Variants in UGT2B4 observed in about 807,000 individuals in gnomAD.
UGT2B4 encodes UDP glucuronosyltransferase family 2 member B4.
In UGT2B4, 49 loss-of-function variants were observed where a neutral mutation model predicts 49.8. The observed-to-expected ratio is 0.98, with a 90% CI of 0.78 to 1.25. The LOEUF is 1.25. UGT2B4 is among the 50% of genes most tolerant of loss of function. UGT2B4 has a pLI of 0.00. For synonymous variants in UGT2B4, 246 were observed against 217.7 expected (o/e 1.13, Z -1.14); for missense variants, 729 against 627.7 (o/e 1.16, Z -1.73).
intron 1 of UGT2B4, chr4:69,517,786 T>C (rs564193542): frequency 2.4e-5 from 4 of 169,884 alleles, no homozygotes; most frequent in Middle Eastern, 9.2e-4. Flanking sequence ...CAGAAAGGTC[T>C]TTATGTCCGT....
chr4:69,517,871 C>A, intron 1 of UGT2B4: 1 of 171,170 alleles, frequency 5.8e-6, no homozygotes, highest in South Asian at 1.8e-4. Flanking sequence ...ATATTGCCAC[C>A]TACAGAAGCT....
chr4:69,499,840 T>C (rs1246865702), upstream of UGT2B4, among the ~76,000 whole-genome samples: 2 of 152,194 alleles, frequency 1.3e-5, no homozygotes, highest in African/African-American at 4.8e-5. Context: ...ATTTTTTAAT[T>C]GGGGCATTTA....
At chr4:69,500,602 C>T (rs187010846), upstream of UGT2B4, among the ~76,000 whole-genome samples, 1 of 47,336 alleles carries the variant, frequency 2.1e-5, no homozygotes, top group Non-Finnish European at 4.2e-5. Flanking sequence ...AGCAAGAAAG[C>T]AAGGAAGAAA....
chr4:69,524,679 G>A (rs1247526947), intron 1 of UGT2B4, among the ~76,000 whole-genome samples: 2 of 130,498 alleles, frequency 1.5e-5, no homozygotes, highest in Admixed American at 8.6e-5. Flanking sequence ...TTATAAGATT[G>A]CCACAAACCC....
chr4:69,497,380 G>C (rs756624099), upstream of UGT2B4, among the ~76,000 whole-genome samples: 28 of 152,214 alleles, frequency 1.8e-4, no homozygotes, highest in Non-Finnish European at 4.1e-4. Context: ...TCCTTGAGGA[G>C]GTAAGTTTGA....
chr4:69,513,041 C>T (rs1339748919), intron 1 of UGT2B4, among the ~76,000 whole-genome samples: 2 of 152,126 alleles, frequency 1.3e-5, no homozygotes, highest in Admixed American at 1.3e-4. Context: ...GTTGTGTGTT[C>T]ACGCTGATGG....
chr4:69,522,169 G>T (rs1051324135), intron 1 of UGT2B4, among the ~76,000 whole-genome samples: 3 of 151,342 alleles, frequency 2.0e-5, no homozygotes, highest in South Asian at 4.2e-4. Context: ...AATAATATAG[G>T]TTTACATTTA....
upstream of UGT2B4, among the ~76,000 whole-genome samples, chr4:69,497,614 C>T (rs1728201224): frequency 1.3e-5 from 2 of 152,148 alleles, no homozygotes; most frequent in Non-Finnish European, 2.9e-5. Context: ...TAAACTGCTG[C>T]AATCTCGTGA....
At chr4:69,520,972 A>G (rs924650267) in intron 1 of UGT2B4, among the ~76,000 whole-genome samples, 17 of 151,942 alleles carry the variant, frequency 1.1e-4, no homozygotes, top group African/African-American at 4.1e-4. Context: ...TTCCATGCCC[A>G]CTCATGTTCA....
chr4:69,489,388 TTAAC>T, intron 3 of UGT2B4, 47 bp downstream of exon 3: 1 of 1,597,604 alleles, frequency 6.3e-7, no homozygotes, highest in Non-Finnish European at 8.5e-7. Flanking sequence ...TTTACAAACT[TTAAC>T]AGCCTCTTTC....
chr4:69,512,559 G>A (rs938585513), intron 1 of UGT2B4, among the ~76,000 whole-genome samples: 2 of 152,048 alleles, frequency 1.3e-5, no homozygotes, highest in Non-Finnish European at 2.9e-5. Context: ...GTGACTTAAC[G>A]TGTATATGTC....
chr4:69,505,736 C>T (rs758915077), intron 1 of UGT2B4, among the ~76,000 whole-genome samples: 25 of 152,150 alleles, frequency 1.6e-4, no homozygotes, highest in Non-Finnish European at 3.2e-4. Context: ...CTGCAGAACT[C>T]TCCACCCCAA....
intron 1 of UGT2B4, among the ~76,000 whole-genome samples, chr4:69,510,811 A>G (rs1728585449): frequency 6.6e-6 from 1 of 151,726 alleles, no homozygotes; most frequent in African/African-American, 2.4e-5. Context: ...ATTTATTTTT[A>G]TTGTCTAATG....
At chr4:69,521,831 A>C (rs915782741) in intron 1 of UGT2B4, among the ~76,000 whole-genome samples, 1 of 152,210 alleles carries the variant, frequency 6.6e-6, no homozygotes, top group Admixed American at 6.5e-5. Context: ...GATCACCTTA[A>C]ATTCTATAAA....
In UGT2B4 at chr4:69,495,221, A is replaced by G. The variant is rs377672506; in HGVS notation, c.641T>C (p.Met214Thr). ...QMTFIERVKNMIYVLYFEFWF... is the reference protein window; with the variant it reads ...QMTFIERVKNTIYVLYFEFWF... ...AAATTCAAAATAAAGCACATAGATC[A>G]TATTTTTTACCCTCTCTATGAAAGT... Residue 214 changes from methionine (M) to threonine (T), a missense_variant, in exon 1 of 6, where the codon ATG becomes ACG. Coordinates refer to ENST00000305107, the MANE Select transcript of UGT2B4 (RefSeq NM_021139.3). 1.3e-5 allele frequency: 21 copies of G among 1,607,784 alleles called. No individual in the cohort carries two copies. The highest frequency in any genetic ancestry group is 6.7e-5 in the African/African-American group (5 of 74,506).
At chr4:69,496,454 C>G (rs1205905759), upstream of UGT2B4, among the ~76,000 whole-genome samples, 6 of 152,168 alleles carry the variant, frequency 3.9e-5, no homozygotes, top group Admixed American at 1.3e-4. Context: ...CCTGCAGTCT[C>G]TTTGACACAG....
chr4:69,489,690 GT>G (rs946521950), intron 2 of UGT2B4, 120 bp from the exon 3 acceptor site: 2 of 1,395,214 alleles, frequency 1.4e-6, no homozygotes, highest in East Asian at 2.5e-5. Context: ...AGTAAAGGAT[GT>G]TTTTTAACTG....
intron 5 of UGT2B4, among the ~76,000 whole-genome samples, chr4:69,482,291 G>C (rs1727615605): frequency 6.6e-6 from 1 of 152,048 alleles, no homozygotes; most frequent in African/African-American, 2.4e-5. Context: ...GAACTTATTT[G>C]ATTCCTATAA....
At chr4:69,488,560 A>G (rs1727863834) in intron 3 of UGT2B4, among the ~76,000 whole-genome samples, 1 of 152,080 alleles carries the variant, frequency 6.6e-6, no homozygotes, top group African/African-American at 2.4e-5. Context: ...TATTCTATAT[A>G]AAAGAAAATA....
Sources: allele counts gnomAD v4.1 joint callset (sites outside exome capture counted in the v4.1 genomes callset), GRCh38; gene constraint gnomAD v4.1.1; transcripts MANE v1.5; gene names NCBI Gene and HGNC (gene_info 2026-07-23, HGNC 2026-07-21).